The following CMTM7 variants were observed in gnomAD, a reference collection of about 807,000 sequenced individuals.
CMTM7 encodes the protein CKLF like MARVEL transmembrane domain containing 7.
Under a neutral mutation model 19.3 loss-of-function variants are expected in CMTM7, and 7 were observed. The observed-to-expected ratio is 0.36, with a 90% confidence interval of 0.21 to 0.68. The LOEUF (loss-of-function observed/expected upper bound fraction) is 0.68. Ranked by LOEUF, CMTM7 falls within the 30% of genes least tolerant of loss-of-function variation. The probability of loss-of-function intolerance (pLI) is 0.60; values close to 1 mark genes in which losing one functional copy is unlikely to be tolerated. For missense variants in CMTM7, 193 were observed against 232.6 expected (o/e 0.83, Z 1.11); for synonymous variants, 87 against 99.3 (o/e 0.88, Z 0.74).
chr3:32,417,023 C>CT (rs1239061805), intron 1 of CMTM7, among the ~76,000 whole-genome samples: 14 of 152,224 alleles, frequency 9.2e-5, no homozygotes, highest in Admixed American at 9.2e-4. Context: ...AATTCACATA[C>CT]TATAGAAATC....
rs150063743 is a variant in CMTM7 at position 32,428,534 on chromosome 3, G to A, written c.160-13306G>A. Reference sequence around the variant, plus strand: ...GCAGGAAAGAGGTTTAGAAAGGAGCGAAGCTGAGGTGTTGTGGGGCGGCTT... The same window carrying A: ...GCAGGAAAGAGGTTTAGAAAGGAGCAAAGCTGAGGTGTTGTGGGGCGGCTT... On this transcript the variant is annotated intron_variant, in intron 1 of 4. Transcript: ENST00000334983. Among the ~76,000 whole-genome samples, 383 of 152,340 alleles carry A rather than the reference G, an allele frequency of 2.5e-3. 4 individuals are homozygous for A. Among genetic ancestry groups the A allele is most frequent in the African/African-American group, 8.6e-3 (356 of 41,574 alleles).
At chr3:32,405,301 G>T (rs1292101425) in intron 1 of CMTM7, among the ~76,000 whole-genome samples, 1 of 152,188 alleles carries the variant, frequency 6.6e-6, no homozygotes, top group African/African-American at 2.4e-5. Context: ...GATAACTAAC[G>T]CAGTCACAAA....
At chr3:32,393,756 G>T (rs962862667) in intron 1 of CMTM7, among the ~76,000 whole-genome samples, 49 of 148,840 alleles carry the variant, frequency 3.3e-4, no homozygotes, top group Admixed American at 3.3e-3. Flanking sequence ...TCTGCGTGAC[G>T]GAGGGAGGCC....
At chr3:32,450,212 C>T (rs1251177267) in intron 3 of CMTM7, among the ~76,000 whole-genome samples, 1 of 152,014 alleles carries the variant, frequency 6.6e-6, no homozygotes, top group African/African-American at 2.4e-5. Flanking sequence ...GTTCAGTGGC[C>T]TGTGGGCCAA....
intron 1 of CMTM7, among the ~76,000 whole-genome samples, chr3:32,435,286 C>G (rs2125636888): frequency 6.6e-6 from 1 of 152,292 alleles, no homozygotes; most frequent in African/African-American, 2.4e-5. Flanking sequence ...TGCTTGTAGT[C>G]CCAGCTACAC....
chr3:32,438,122 G>A (rs780113742), intron 1 of CMTM7, among the ~76,000 whole-genome samples: 2 of 152,106 alleles, frequency 1.3e-5, no homozygotes, highest in Non-Finnish European at 2.9e-5. Context: ...CCTACCTCCA[G>A]TCCTCTCTGA....
Position 32,455,221 on chromosome 3 carries a change from G to C in CMTM7, c.*967G>C, listed in dbSNP as rs1696890392. 6.6e-6 allele frequency: 1 copy of C among 152,306 alleles called. No homozygotes were observed. Among genetic ancestry groups the C allele is most frequent in the Non-Finnish European group, 1.5e-5 (1 of 68,122 alleles). The allele number at this position is 152,306 out of a possible 1,614,324, so 9.4% of individuals were successfully genotyped here. On this transcript the variant is annotated 3_prime_UTR_variant, in exon 5 of 5. Transcript: ENST00000334983. Reference sequence around the variant, plus strand: ...AAAAAGGAGGGATGGAACAATGTTTGAGCAACCCCGTGTGCAAGGACCTAC... The same window carrying C: ...AAAAAGGAGGGATGGAACAATGTTTCAGCAACCCCGTGTGCAAGGACCTAC...
chr3:32,434,414 G>A (rs547351847), intron 1 of CMTM7, among the ~76,000 whole-genome samples: 8 of 151,860 alleles, frequency 5.3e-5, no homozygotes, highest in Non-Finnish European at 8.8e-5. Context: ...CTCCAGCCTC[G>A]GCCTCCTGAG....
At chr3:32,417,308 T>C (rs1696281870) in intron 1 of CMTM7, among the ~76,000 whole-genome samples, 1 of 152,256 alleles carries the variant, frequency 6.6e-6, no homozygotes, top group Non-Finnish European at 1.5e-5. Flanking sequence ...CAGAATGTCG[T>C]ATAAATGGAA....
intron 1 of CMTM7, among the ~76,000 whole-genome samples, chr3:32,395,677 G>C (rs182548351): frequency 8.2e-4 from 125 of 152,328 alleles, no homozygotes; most frequent in African/African-American, 3.0e-3. Flanking sequence ...TTGGAACTCT[G>C]ATACAGTGCT....
intron 1 of CMTM7, among the ~76,000 whole-genome samples, chr3:32,414,012 T>C (rs1696220589): frequency 6.6e-6 from 1 of 152,164 alleles, no homozygotes; most frequent in South Asian, 2.1e-4. Context: ...AGGCCTGGTC[T>C]GCTTGCTTCA....
At chr3:32,448,178 G>C (rs1696778881) in intron 2 of CMTM7, among the ~76,000 whole-genome samples, 1 of 152,170 alleles carries the variant, frequency 6.6e-6, no homozygotes. Context: ...TTCCGGTTAG[G>C]ATTCTCTCAA....
chr3:32,451,757 C>G (rs1442826040), intron 3 of CMTM7: 1 of 238,276 alleles, frequency 4.2e-6, no homozygotes, highest in East Asian at 1.4e-4. Flanking sequence ...TCCCAGCACC[C>G]GAATCTCATC....
At chr3:32,442,693 C>G (rs935812600) in intron 2 of CMTM7, among the ~76,000 whole-genome samples, 1 of 152,068 alleles carries the variant, frequency 6.6e-6, no homozygotes, top group African/African-American at 2.4e-5. Flanking sequence ...CTAAAAGAGA[C>G]TAGTGGGGGC....
chr3:32,430,798 G>GT (rs1696507336), intron 1 of CMTM7, among the ~76,000 whole-genome samples: 1 of 151,670 alleles, frequency 6.6e-6, no homozygotes, highest in Non-Finnish European at 1.5e-5. Context: ...TGAACGTGCT[G>GT]CTGTCATCCC....
chr3:32,437,901 ATAAAT>A (rs1696622411), intron 1 of CMTM7, among the ~76,000 whole-genome samples: 1 of 152,126 alleles, frequency 6.6e-6, no homozygotes, highest in Non-Finnish European at 1.5e-5. Context: ...AAAAAATAAA[ATAAAT>A]AAAATAAACC....
rs9848729 is a variant in CMTM7, at chr3:32,454,434, C to A, written c.*180C>A. On this transcript the variant is annotated 3_prime_UTR_variant, in exon 5 of 5. Coordinates refer to ENST00000334983, the MANE Select transcript of CMTM7 (RefSeq NM_138410.4). ...CAGCTCCCTGAGCTCCTGAGCCAGC[C>A]GGAAACTCTTCCTCCAGCCTTCCGG... 2 of 754,052 alleles carry A rather than the reference C, an allele frequency of 2.7e-6. No individual in the cohort carries two copies. Among genetic ancestry groups the A allele is most frequent in the Non-Finnish European group, 4.7e-6 (2 of 425,512 alleles). 46.7% of individuals were successfully genotyped at this position (754,052 alleles called of 1,614,324 possible). A position where few individuals can be genotyped will look rare whatever the true frequency, so the allele number is the denominator to read the frequency against.
chr3:32,438,169 G>A (rs1441983816), intron 1 of CMTM7, among the ~76,000 whole-genome samples: 3 of 152,200 alleles, frequency 2.0e-5, no homozygotes, highest in Admixed American at 6.5e-5. Flanking sequence ...TTCTAACTGG[G>A]AACACGAAGA....
chr3:32,443,766 G>A (rs1388531446), intron 2 of CMTM7, among the ~76,000 whole-genome samples: 1 of 152,178 alleles, frequency 6.6e-6, no homozygotes, highest in African/African-American at 2.4e-5. Context: ...TCTAGTGAGT[G>A]TAAAGTGTTA....
Sources: allele counts gnomAD v4.1 joint callset (sites outside exome capture counted in the v4.1 genomes callset), GRCh38; gene constraint gnomAD v4.1.1; transcripts MANE v1.5; gene names NCBI Gene and HGNC (gene_info 2026-07-23, HGNC 2026-07-21).